KCNQ1OT1: variants seen among roughly 807,000 people sequenced by gnomAD.
KCNQ1OT1 encodes the protein KCNQ1 opposite strand/antisense transcript 1.
At chr11:2,639,138 G>A (rs11023582) in exon 1 of KCNQ1OT1, 21,636 of 152,044 alleles carry the variant, frequency 0.14, 1,597 homozygotes, top group South Asian at 0.19. Flanking sequence ...AAGGTTTTTA[G>A]CTTCTTTGCT....
exon 1 of KCNQ1OT1, chr11:2,699,454 C>A (rs952775730): frequency 4.0e-5 from 16 of 400,852 alleles, no homozygotes; most frequent in Admixed American, 8.9e-5. Context: ...CACTGAGGAG[C>A]CGCCGGGAGA....
rs572603072 is a variant in KCNQ1OT1 at position 2,666,412 on chromosome 11, C to A, written n.33583G>T. Reference sequence around the variant, plus strand: ...GCAAATCCTTGAGCAAAAACAGCCCCGTGTGCGTTAATTAGAATTTCCATG... The same window carrying A: ...GCAAATCCTTGAGCAAAAACAGCCCAGTGTGCGTTAATTAGAATTTCCATG... On this transcript the variant is annotated non_coding_transcript_exon_variant, in exon 1 of 1. Transcript: ENST00000597346. The A allele has an allele frequency of 1.0e-5, 4 of 398,656 alleles. No individual in the cohort carries two copies. The Admixed American group carries it at 1.3e-4, about 13-fold the overall frequency. 24.7% of individuals were successfully genotyped at this position (398,656 alleles called of 1,614,324 possible). A position where few individuals can be genotyped will look rare whatever the true frequency, so the allele number is the denominator to read the frequency against.
In KCNQ1OT1 at chr11:2,690,493, C is replaced by T. The variant is rs981953460; in HGVS notation, n.9502G>A. The T allele has an allele frequency of 1.0e-5, 4 of 398,336 alleles. No individual in the cohort carries two copies. Among genetic ancestry groups the T allele is most frequent in the African/African-American group, 2.1e-5 (1 of 48,564 alleles). The allele number at this position is 398,336 out of a possible 1,614,324, so 24.7% of individuals were successfully genotyped here. A position where few individuals can be genotyped will look rare whatever the true frequency, so the allele number is the denominator to read the frequency against. On this transcript the variant is annotated non_coding_transcript_exon_variant, in exon 1 of 1. Coordinates refer to ENST00000597346, the Ensembl canonical transcript of KCNQ1OT1. The surrounding 1 kb of genome is among the most constrained non-coding windows in gnomAD (Gnocchi z 5.1). ...CCTGGGAACAGCCACTGGGCCCAGT[C>T]GGGGGGGTCTCAGCACCTATCACAA...
rs1850162772 is a variant in KCNQ1OT1 at position 2,670,451 on chromosome 11, C to T, written n.29544G>A. The T allele has an allele frequency of 2.5e-6, 1 of 397,796 alleles. No individual in the cohort carries two copies. Among genetic ancestry groups the T allele is most frequent in the Non-Finnish European group, 4.4e-6 (1 of 225,962 alleles). 24.6% of individuals were successfully genotyped at this position (397,796 alleles called of 1,614,324 possible). A position where few individuals can be genotyped will look rare whatever the true frequency, so the allele number is the denominator to read the frequency against. On this transcript the variant is annotated non_coding_transcript_exon_variant, in exon 1 of 1. Coordinates refer to ENST00000597346, the Ensembl canonical transcript of KCNQ1OT1. This position sits in a 1 kb window ranked among gnomAD's most constrained non-coding sequence, Gnocchi z 4.9. Reference sequence around the variant, plus strand: ...GGAGATACTGCTGTTGGCTGAGACACACAGCCCACATCCTTGGTAGGTCCC... The same window carrying T: ...GGAGATACTGCTGTTGGCTGAGACATACAGCCCACATCCTTGGTAGGTCCC...
chr11:2,621,878 C>G lies in KCNQ1OT1; in HGVS notation n.78117G>C. 1 of 398,244 alleles carries G rather than the reference C, an allele frequency of 2.5e-6. No individual in the cohort carries two copies. The highest frequency in any genetic ancestry group is 4.4e-6 in the Non-Finnish European group (1 of 225,904). 24.7% of individuals were successfully genotyped at this position (398,244 alleles called of 1,614,324 possible). A position where few individuals can be genotyped will look rare whatever the true frequency, so the allele number is the denominator to read the frequency against. The stretch of plus-strand genomic sequence containing the variant: ...TATGGTTTTTCTTTCTAACTTGTCT[C>G]TGTTCTGATCTTTATTATTTCCTTC... On this transcript the variant is annotated non_coding_transcript_exon_variant, in exon 1 of 1. Transcript: ENST00000597346. The surrounding 1 kb of genome is among the most constrained non-coding windows in gnomAD (Gnocchi z 5.7).
At chr11:2,680,650 T>TA (rs754421603) in exon 1 of KCNQ1OT1, 10 of 398,504 alleles carry the variant, frequency 2.5e-5, no homozygotes, top group African/African-American at 4.1e-5. Flanking sequence ...ATTGCATTGA[T>TA]AGTCTCACTA....
exon 1 of KCNQ1OT1, chr11:2,656,918 G>A (rs192008163): frequency 1.0e-5 from 4 of 398,584 alleles, no homozygotes; most frequent in African/African-American, 6.2e-5. Context: ...GTAATTAAGG[G>A]TCCAACTTAA....
At chr11:2,665,619 C>A (rs115788288) in exon 1 of KCNQ1OT1, 4 of 397,266 alleles carry the variant, frequency 1.0e-5, no homozygotes, top group African/African-American at 6.2e-5. Flanking sequence ...TTAGGCTGTA[C>A]GGCTGTGTCC....
chr11:2,690,765 T>C lies in KCNQ1OT1; in HGVS notation n.9230A>G. The C allele has an allele frequency of 2.5e-6, 1 of 398,676 alleles. No individual in the cohort carries two copies. Among genetic ancestry groups the C allele is most frequent in the Non-Finnish European group, 4.4e-6 (1 of 226,082 alleles). The allele number at this position is 398,676 out of a possible 1,614,324, so 24.7% of individuals were successfully genotyped here. A position where few individuals can be genotyped will look rare whatever the true frequency, so the allele number is the denominator to read the frequency against. On this transcript the variant is annotated non_coding_transcript_exon_variant, in exon 1 of 1. Transcript: ENST00000597346. This position sits in a 1 kb window ranked among gnomAD's most constrained non-coding sequence, Gnocchi z 5.1. ...TGATCCCAAATCCCTTAGGTGGATG[T>C]GGCCTGGCAGGGGGTCAGCAGGAGG...
Position 2,651,199 on chromosome 11 carries a change from T to C in KCNQ1OT1, n.48796A>G. ...CTACTCAAATGTTCCGACAGCTTCC[T>C]GTCACCCTGTCTTGTGTCAGTCTCA... On this transcript the variant is annotated non_coding_transcript_exon_variant, in exon 1 of 1. Coordinates refer to ENST00000597346, the Ensembl canonical transcript of KCNQ1OT1. The surrounding 1 kb of genome is among the most constrained non-coding windows in gnomAD (Gnocchi z 6.1). 1 of 396,984 alleles carries C rather than the reference T, an allele frequency of 2.5e-6. No individual in the cohort carries two copies. The highest frequency in any genetic ancestry group is 4.4e-6 in the Non-Finnish European group (1 of 225,384). 24.6% of individuals were successfully genotyped at this position (396,984 alleles called of 1,614,324 possible). A position where few individuals can be genotyped will look rare whatever the true frequency, so the allele number is the denominator to read the frequency against.
chr11:2,661,851 A>G lies in KCNQ1OT1; in HGVS notation n.38144T>C. The G allele has an allele frequency of 7.2e-7, 1 of 1,386,274 alleles. No homozygotes were observed. The allele number at this position is 1,386,274 out of a possible 1,614,324, so 85.9% of individuals were successfully genotyped here. Reference sequence around the variant, plus strand: ...ACTGATTGTCAGGGCTGGAGCTTCCAGGCACAAGCTCCACTCCTCACCTGG... The same window carrying G: ...ACTGATTGTCAGGGCTGGAGCTTCCGGGCACAAGCTCCACTCCTCACCTGG... On this transcript the variant is annotated non_coding_transcript_exon_variant, in exon 1 of 1. Transcript: ENST00000597346. This position sits in a 1 kb window ranked among gnomAD's most constrained non-coding sequence, Gnocchi z 5.9.
Position 2,661,607 on chromosome 11 carries a change from CCTGTCACCT to C in KCNQ1OT1, n.38379_38387del. On this transcript the variant is annotated non_coding_transcript_exon_variant, in exon 1 of 1. Transcript: ENST00000597346. This position sits in a 1 kb window ranked among gnomAD's most constrained non-coding sequence, Gnocchi z 5.9. Reference sequence around the variant, plus strand: ...GCTGTTGTCCCTTACCAGGCCTGTGCCTGTCACCTCTGTTTTATTCTTGACCCAAGTGTC... The same window carrying C: ...GCTGTTGTCCCTTACCAGGCCTGTGCCTGTTTTATTCTTGACCCAAGTGTC... 1 of 579,462 alleles carries C rather than the reference CCTGTCACCT, an allele frequency of 1.7e-6. No homozygotes were observed. The highest frequency in any genetic ancestry group is 3.1e-6 in the Non-Finnish European group (1 of 325,486). The allele number at this position is 579,462 out of a possible 1,614,324, so 35.9% of individuals were successfully genotyped here. A position where few individuals can be genotyped will look rare whatever the true frequency, so the allele number is the denominator to read the frequency against.
At position 2,612,418 on chromosome 11, in the gene KCNQ1OT1, C is replaced by T. The variant is rs984948967; in HGVS notation, n.87577G>A. 29 of 398,438 alleles carry T rather than the reference C, an allele frequency of 7.3e-5. No individual in the cohort carries two copies. Among genetic ancestry groups the T allele is most frequent in the African/African-American group, 6.0e-4 (29 of 48,596 alleles). The allele number at this position is 398,438 out of a possible 1,614,324, so 24.7% of individuals were successfully genotyped here. A position where few individuals can be genotyped will look rare whatever the true frequency, so the allele number is the denominator to read the frequency against. ...CTATATTATGGTATCCAATGGGTAT[C>T]TCTTCATTTTTCTTCATTATTTTTC... On this transcript the variant is annotated non_coding_transcript_exon_variant, in exon 1 of 1. Transcript: ENST00000597346. This position sits in a 1 kb window ranked among gnomAD's most constrained non-coding sequence, Gnocchi z 5.5.
At chr11:2,650,752 C>T (rs1341478272) in exon 1 of KCNQ1OT1, 2 of 398,630 alleles carry the variant, frequency 5.0e-6, no homozygotes, top group Non-Finnish European at 8.8e-6. Flanking sequence ...CACTTTGCTA[C>T]CCACAGGCAA....
exon 1 of KCNQ1OT1, chr11:2,648,790 A>G (rs1334786056): frequency 1.5e-5 from 6 of 398,382 alleles, no homozygotes; most frequent in African/African-American, 2.1e-5. Context: ...GAATTGTCCA[A>G]TGCTGAGTAT....
Position 2,659,126 on chromosome 11 carries a change from T to A in KCNQ1OT1, n.40869A>T, listed in dbSNP as rs891085632. 5.0e-6 allele frequency: 2 copies of A among 398,644 alleles called. No individual in the cohort carries two copies. Among genetic ancestry groups the A allele is most frequent in the Admixed American group, 8.8e-5 (2 of 22,738 alleles). 24.7% of individuals were successfully genotyped at this position (398,644 alleles called of 1,614,324 possible). A position where few individuals can be genotyped will look rare whatever the true frequency, so the allele number is the denominator to read the frequency against. The stretch of plus-strand genomic sequence containing the variant: ...TCCGGGTTAATTTTTTAAATTTGCA[T>A]ACAGTAAAATCCACTCTTTGAGATT... On this transcript the variant is annotated non_coding_transcript_exon_variant, in exon 1 of 1. Transcript: ENST00000597346. The surrounding 1 kb of genome is among the most constrained non-coding windows in gnomAD (Gnocchi z 4.3).
chr11:2,649,446 A>C, exon 1 of KCNQ1OT1: 1 of 398,444 alleles, frequency 2.5e-6, no homozygotes, highest in Non-Finnish European at 4.4e-6. Context: ...GTACTCCCTT[A>C]AGCATTTCTT....
exon 1 of KCNQ1OT1, chr11:2,655,788 G>A (rs1226695061): frequency 1.8e-5 from 7 of 398,262 alleles, no homozygotes; most frequent in Non-Finnish European, 3.1e-5. Flanking sequence ...CCCTGTGGTG[G>A]AGAAAGCACG....
chr11:2,614,986 A>G (rs1849038042), exon 1 of KCNQ1OT1: 1 of 398,340 alleles, frequency 2.5e-6, no homozygotes, highest in African/African-American at 2.1e-5. Context: ...ACTGGGTAAT[A>G]TCGCCAACTT....
Sources: allele counts gnomAD v4.1 joint callset, GRCh38; gene constraint gnomAD v4.1.1; non-coding constraint Gnocchi (gnomAD v3.1); transcripts MANE v1.5; gene names NCBI Gene and HGNC (gene_info 2026-07-23, HGNC 2026-07-21).